The following DNMT3A variants were observed in gnomAD, a reference collection of about 807,000 sequenced individuals.
DNMT3A encodes DNA (cytosine-5)-methyltransferase 3A.
Under a neutral mutation model 117.6 loss-of-function variants are expected in DNMT3A, and 267 were observed. The observed-to-expected ratio is 2.27, with a 90% confidence interval of 2.05 to 2.51. The LOEUF (loss-of-function observed/expected upper bound fraction) is 2.51. Among genes scored for constraint, DNMT3A ranks in the 30% most tolerant of loss-of-function variants. The pLI is 0.00. For missense variants in DNMT3A, 1,029 were observed against 1,260.2 expected (o/e 0.82, Z 2.78); for synonymous variants, 432 against 474.8 (o/e 0.91, Z 1.17).
At position 25,247,049 on chromosome 2, in the gene DNMT3A, AC is replaced by A; in HGVS notation, c.1122+1del. On this transcript the variant is annotated splice_donor_variant, in intron 9 of 22. Transcript: ENST00000321117. LOFTEE classifies it high-confidence loss of function. This position sits in a 1 kb window ranked among gnomAD's most constrained non-coding sequence, Gnocchi z 5.6. The stretch of plus-strand genomic sequence containing the variant: ...CTCCGAGCTCCCAGCAGGGACACTC[AC>A]CTGCAGGACCTCGTAGATGGCTTTG... 2 of 1,613,626 alleles carry A rather than the reference AC, an allele frequency of 1.2e-6. No individual in the cohort carries two copies. The highest frequency in any genetic ancestry group is 1.7e-6 in the Non-Finnish European group (2 of 1,179,742).
rs1408164743 is a variant in DNMT3A, at chr2:25,337,126, C to T, written c.-178+4700G>A. On this transcript the variant is annotated intron_variant, in intron 1 of 22. Coordinates refer to ENST00000321117, the MANE Select transcript of DNMT3A (RefSeq NM_022552.5). The surrounding 1 kb of genome is among the most constrained non-coding windows in gnomAD (Gnocchi z 5.0). Reference sequence around the variant, plus strand: ...TGCACTCAAGACAGGATGAGAATAACGAGCTGAAACTACAGCGGGAGGGAT... The same window carrying T: ...TGCACTCAAGACAGGATGAGAATAATGAGCTGAAACTACAGCGGGAGGGAT... 4.6e-5 allele frequency among the ~76,000 whole-genome samples: 7 copies of T among 152,164 alleles called. No homozygotes were observed. Among genetic ancestry groups the T allele is most frequent in the African/African-American group, 7.2e-5 (3 of 41,430 alleles).
intron 1 of DNMT3A, among the ~76,000 whole-genome samples, chr2:25,334,163 CA>C (rs1185363853): frequency 6.6e-6 from 1 of 152,192 alleles, no homozygotes; most frequent in African/African-American, 2.4e-5. Context: ...AAGAGGCACC[CA>C]TGGGTGGGGT....
rs1558726646 is a variant in DNMT3A at position 25,304,902 on chromosome 2, T to C, written c.73-4659A>G. ...GATTCCCTGCCCCTAGGCCCCCTCC[T>C]CCCATCCCCTGCCTAGACTGAGCTG... On this transcript the variant is annotated intron_variant, in intron 2 of 22. Coordinates refer to ENST00000321117, the MANE Select transcript of DNMT3A (RefSeq NM_022552.5). This position sits in a 1 kb window ranked among gnomAD's most constrained non-coding sequence, Gnocchi z 4.3. 6.6e-6 allele frequency among the ~76,000 whole-genome samples: 1 copy of C among 152,104 alleles called. No individual in the cohort carries two copies. Among genetic ancestry groups the C allele is most frequent in the African/African-American group, 2.4e-5 (1 of 41,422 alleles).
Position 25,314,140 on chromosome 2 carries a change from G to C in DNMT3A, c.-156C>G, listed in dbSNP as rs1356700635. 1.4e-6 allele frequency: 2 copies of C among 1,427,054 alleles called. No individual in the cohort carries two copies. Among genetic ancestry groups the C allele is most frequent in the Non-Finnish European group, 1.8e-6 (2 of 1,094,100 alleles). The allele number at this position is 1,427,054 out of a possible 1,614,324, so 88.4% of individuals were successfully genotyped here. A position where few individuals can be genotyped will look rare whatever the true frequency, so the allele number is the denominator to read the frequency against. Reference sequence around the variant, plus strand: ...GAACGGTGCCTCTGTCAGCCTGTGGGTGGGGGCTTCGATGGCTCCACCTGT... The same window carrying C: ...GAACGGTGCCTCTGTCAGCCTGTGGCTGGGGGCTTCGATGGCTCCACCTGT... On this transcript the variant is annotated 5_prime_UTR_variant, in exon 2 of 23. Transcript: ENST00000321117.
At chr2:25,270,049 G>C (rs1374229352) in intron 6 of DNMT3A, among the ~76,000 whole-genome samples, 1 of 152,176 alleles carries the variant, frequency 6.6e-6, no homozygotes, top group Non-Finnish European at 1.5e-5. Flanking sequence ...GGTGCAGCCT[G>C]GGGTCTGGTG....
chr2:25,265,353 C>A (rs1357408811), intron 6 of DNMT3A, among the ~76,000 whole-genome samples: 1 of 152,182 alleles, frequency 6.6e-6, no homozygotes, highest in Admixed American at 6.5e-5. Flanking sequence ...ATTTCCAAGC[C>A]AGGAAACCAG....
rs1488476363 is a variant in DNMT3A at position 25,247,501 on chromosome 2, C to G, written c.1014+90G>C. 6.4e-7 allele frequency: 1 copy of G among 1,553,114 alleles called. No homozygotes were observed. Reference sequence around the variant, plus strand: ...GTGAGCAGAACCCACTTCCATCACCCCAATTCCAGACTGCCCCCAGCCAAA... The same window carrying G: ...GTGAGCAGAACCCACTTCCATCACCGCAATTCCAGACTGCCCCCAGCCAAA... On this transcript the variant is annotated intron_variant, in intron 8 of 22. Coordinates refer to ENST00000321117, the MANE Select transcript of DNMT3A (RefSeq NM_022552.5). This position sits in a 1 kb window ranked among gnomAD's most constrained non-coding sequence, Gnocchi z 5.6.
chr2:25,242,835 G>A (rs1200990970), intron 16 of DNMT3A, among the ~76,000 whole-genome samples: 2 of 152,102 alleles, frequency 1.3e-5, no homozygotes, highest in Non-Finnish European at 2.9e-5. Flanking sequence ...GGGTGACCCA[G>A]CATCTCCTAA....
At chr2:25,272,710 G>A (rs959516598) in intron 6 of DNMT3A, among the ~76,000 whole-genome samples, 2 of 152,060 alleles carry the variant, frequency 1.3e-5, no homozygotes, top group Admixed American at 6.5e-5. Flanking sequence ...CTTTCTCCGG[G>A]CTCTTCCGGG....
At position 25,234,735 on chromosome 2, in the gene DNMT3A, CT is replaced by C. The variant is rs1424673352; in HGVS notation, c.2598-316del. Among the ~76,000 whole-genome samples the C allele has an allele frequency of 1.3e-5, 2 of 152,164 alleles. No individual in the cohort carries two copies. Among genetic ancestry groups the C allele is most frequent in the Non-Finnish European group, 2.9e-5 (2 of 68,034 alleles). ...AAATAAGAGTAATTTTGAACAATCC[CT>C]CAGAAATACCTCCAGGACACACTCT... is the stretch of plus-strand genomic sequence containing the variant. On this transcript the variant is annotated intron_variant, in intron 22 of 22. Coordinates refer to ENST00000321117, the MANE Select transcript of DNMT3A (RefSeq NM_022552.5). The surrounding 1 kb of genome is among the most constrained non-coding windows in gnomAD (Gnocchi z 4.5).
At position 25,274,935 on chromosome 2, in the gene DNMT3A, C is replaced by G. The variant is rs559534512; in HGVS notation, c.639+6G>C. ...GGGCTGGGGCCCAGGCCAGAAGGCG[C>G]CTCACCTCCCTTTTCCAGCGTGCCA... On this transcript the variant is annotated splice_donor_region_variant and intron_variant, in intron 6 of 22. Transcript: ENST00000321117. The G allele has an allele frequency of 3.1e-5, 50 of 1,605,746 alleles. No individual in the cohort carries two copies. The African/African-American group carries it at 6.0e-4, about 19-fold the overall frequency.
At chr2:25,264,131 G>GGTTTTTT (rs2029953910) in intron 6 of DNMT3A, among the ~76,000 whole-genome samples, 16 of 62,700 alleles carry the variant, frequency 2.6e-4, no homozygotes, top group Non-Finnish European at 4.3e-4. Flanking sequence ...ACAACCCTTT[G>GGTTTTTT]GTTTTTTTTT....
intron 1 of DNMT3A, among the ~76,000 whole-genome samples, chr2:25,335,019 T>C (rs1319543120): frequency 2.0e-5 from 3 of 152,246 alleles, no homozygotes; most frequent in Non-Finnish European, 4.4e-5. Context: ...AGCAAAAACT[T>C]GTTGACAGGT....
At chr2:25,333,950 C>T (rs771505877) in intron 1 of DNMT3A, among the ~76,000 whole-genome samples, 3 of 152,230 alleles carry the variant, frequency 2.0e-5, no homozygotes, top group South Asian at 2.1e-4. Flanking sequence ...GACTCCCGAA[C>T]GCCTTTTTTG....
intron 4 of DNMT3A, among the ~76,000 whole-genome samples, chr2:25,279,324 A>G (rs970676172): frequency 1.3e-5 from 2 of 152,214 alleles, no homozygotes; most frequent in Admixed American, 1.3e-4. Flanking sequence ...AAGGGGTTCC[A>G]GGAGAGCATC....
At chr2:25,299,447 G>T (rs1470775288) in intron 3 of DNMT3A, among the ~76,000 whole-genome samples, 1 of 152,236 alleles carries the variant, frequency 6.6e-6, no homozygotes, top group African/African-American at 2.4e-5. Context: ...GACCCTGGGT[G>T]AGAGTGTGGT....
intron 1 of DNMT3A, among the ~76,000 whole-genome samples, chr2:25,340,491 CCCGCGCCAGCCCGGT>C (rs903080376): frequency 1.2e-4 from 18 of 151,932 alleles, no homozygotes; most frequent in Non-Finnish European, 2.5e-4. Flanking sequence ...GGGCCCTGGA[CCCGCGCCAGCCCGGT>C]CCGCGCCGAA....
At chr2:25,242,791 T>C (rs1267744259) in intron 16 of DNMT3A, among the ~76,000 whole-genome samples, 1 of 152,144 alleles carries the variant, frequency 6.6e-6, no homozygotes, top group Non-Finnish European at 1.5e-5. Context: ...CTTTCTGCAG[T>C]GTCCAGAGTC....
At chr2:25,266,789 T>C (rs1268306478) in intron 6 of DNMT3A, among the ~76,000 whole-genome samples, 1 of 152,238 alleles carries the variant, frequency 6.6e-6, no homozygotes, top group Non-Finnish European at 1.5e-5. Context: ...AAAATATTGA[T>C]GTTGGCAAAG....
Sources: allele counts gnomAD v4.1 joint callset (sites outside exome capture counted in the v4.1 genomes callset), GRCh38; gene constraint gnomAD v4.1.1; non-coding constraint Gnocchi (gnomAD v3.1); transcripts MANE v1.5; gene names NCBI Gene and HGNC (gene_info 2026-07-23, HGNC 2026-07-21).